Variants in KCNIP1 observed in about 807,000 individuals in gnomAD.
The protein encoded by KCNIP1 is A-type potassium channel modulatory protein KCNIP1.
A neutral mutation model predicts 33.0 loss-of-function variants in KCNIP1; 18 were observed. The observed-to-expected ratio is 0.55, with a 90% CI of 0.38 to 0.81. The LOEUF (loss-of-function observed/expected upper bound fraction) is 0.81. Among genes scored for constraint, KCNIP1 ranks in the 30% least tolerant of loss-of-function variants. The pLI is 0.00. For missense variants in KCNIP1, 238 were observed against 271.6 expected (o/e 0.88, Z 0.87); for synonymous variants, 93 against 98.3 (o/e 0.95, Z 0.32).
At chr5:170,599,133 C>CA (rs1758590266) in intron 1 of KCNIP1, among the ~76,000 whole-genome samples, 1 of 152,084 alleles carries the variant, frequency 6.6e-6, no homozygotes, top group Non-Finnish European at 1.5e-5. Context: ...AGAACTGACT[C>CA]ACTCCTCCTT....
intron 1 of KCNIP1, chr5:170,378,996 C>G: frequency 6.2e-7 from 1 of 1,607,898 alleles, no homozygotes; most frequent in South Asian, 1.1e-5. Context: ...ACAAGAGCAG[C>G]TGTGGGCTTG....
chr5:170,552,076 C>T (rs1756668394), intron 1 of KCNIP1, among the ~76,000 whole-genome samples: 1 of 151,896 alleles, frequency 6.6e-6, no homozygotes, highest in Admixed American at 6.6e-5. Flanking sequence ...GAGGGAGGAC[C>T]AGTCCCCTAC....
intron 1 of KCNIP1, among the ~76,000 whole-genome samples, chr5:170,700,195 C>T (rs910307988): frequency 3.9e-5 from 6 of 152,098 alleles, no homozygotes; most frequent in Admixed American, 3.9e-4. Context: ...CGCTCTCCCT[C>T]ACTCATCACC....
chr5:170,654,359 G>T (rs1471701228), intron 1 of KCNIP1, among the ~76,000 whole-genome samples: 1 of 152,164 alleles, frequency 6.6e-6, no homozygotes, highest in African/African-American at 2.4e-5. Context: ...CCCCGAAGGA[G>T]CTCACATTCT....
intron 1 of KCNIP1, among the ~76,000 whole-genome samples, chr5:170,507,027 C>T (rs779548435): frequency 3.3e-5 from 5 of 152,220 alleles, no homozygotes; most frequent in Non-Finnish European, 5.9e-5. Context: ...ACTGGGGCCT[C>T]GGTTTCTTCT....
chr5:170,719,937 G>A (rs976010735), intron 2 of KCNIP1, among the ~76,000 whole-genome samples: 9 of 152,110 alleles, frequency 5.9e-5, no homozygotes, highest in African/African-American at 2.2e-4. Context: ...ATCTACCATG[G>A]ACTCAATACC....
chr5:170,695,029 C>G (rs770108699), intron 1 of KCNIP1, among the ~76,000 whole-genome samples: 1 of 152,210 alleles, frequency 6.6e-6, no homozygotes, highest in Admixed American at 6.5e-5. Context: ...CTCATCATCA[C>G]TGGGGCCAGG....
At chr5:170,562,534 T>A (rs1420044115) in intron 1 of KCNIP1, among the ~76,000 whole-genome samples, 1 of 152,198 alleles carries the variant, frequency 6.6e-6, no homozygotes, top group African/African-American at 2.4e-5. Flanking sequence ...TGGCCTCTCC[T>A]CCCTTGTCCA....
Position 170,504,078 on chromosome 5 carries a change from C to T in KCNIP1, c.-495C>T, listed in dbSNP as rs1328581916. 2.0e-6 allele frequency: 2 copies of T among 985,486 alleles called. No individual in the cohort carries two copies. Among genetic ancestry groups the T allele is most frequent in the African/African-American group, 1.8e-5 (1 of 57,138 alleles). The allele number at this position is 985,486 out of a possible 1,614,324, so 61.0% of individuals were successfully genotyped here. On this transcript the variant is annotated 5_prime_UTR_variant, in exon 1 of 8. Transcript: ENST00000328939. The surrounding 1 kb of genome is among the most constrained non-coding windows in gnomAD (Gnocchi z 6.0). ...GGCAGCAGGCGGGCGCGCTGTGGCTCCGCGCCGCGCGGTCCGGGCTCTGTT... is the reference window on the plus strand; with the variant it reads ...GGCAGCAGGCGGGCGCGCTGTGGCTTCGCGCCGCGCGGTCCGGGCTCTGTT...
intron 1 of KCNIP1, among the ~76,000 whole-genome samples, chr5:170,696,785 C>CT (rs1381428587): frequency 6.6e-6 from 1 of 152,000 alleles, no homozygotes; most frequent in Non-Finnish European, 1.5e-5. Context: ...AGGAGGGTGA[C>CT]TTTGTATAGG....
intron 1 of KCNIP1, among the ~76,000 whole-genome samples, chr5:170,380,790 G>A (rs1170558295): frequency 6.6e-6 from 1 of 152,180 alleles, no homozygotes; most frequent in Non-Finnish European, 1.5e-5. Flanking sequence ...AAATAGCAGT[G>A]TGGCTATGGA....
intron 1 of KCNIP1, among the ~76,000 whole-genome samples, chr5:170,525,964 A>G (rs954204180): frequency 7.2e-5 from 11 of 152,324 alleles, no homozygotes; most frequent in African/African-American, 1.7e-4. Flanking sequence ...GCCAGCACCA[A>G]CCAGGCTGCT....
chr5:170,372,803 C>G (rs1219204174), intron 1 of KCNIP1, among the ~76,000 whole-genome samples: 1 of 152,168 alleles, frequency 6.6e-6, no homozygotes, highest in Non-Finnish European at 1.5e-5. Flanking sequence ...GAGGAGGACT[C>G]AGTGCAGCAA....
chr5:170,702,066 T>C (rs557328842), intron 1 of KCNIP1, among the ~76,000 whole-genome samples: 4 of 152,220 alleles, frequency 2.6e-5, no homozygotes, highest in Non-Finnish European at 5.9e-5. Flanking sequence ...AAATAAAAAT[T>C]AAAAATAAAA....
chr5:170,455,576 G>C (rs892134785), intron 1 of KCNIP1, among the ~76,000 whole-genome samples: 1 of 152,150 alleles, frequency 6.6e-6, no homozygotes, highest in Non-Finnish European at 1.5e-5. Flanking sequence ...AACAAGCTTC[G>C]ATAATTTAAA....
intron 1 of KCNIP1, among the ~76,000 whole-genome samples, chr5:170,661,690 C>A (rs1222220152): frequency 6.6e-6 from 1 of 152,184 alleles, no homozygotes; most frequent in Non-Finnish European, 1.5e-5. Flanking sequence ...CCATATTATA[C>A]CCTTTTCATC....
At chr5:170,694,949 G>C (rs1762842298) in intron 1 of KCNIP1, among the ~76,000 whole-genome samples, 1 of 152,208 alleles carries the variant, frequency 6.6e-6, no homozygotes, top group South Asian at 2.1e-4. Context: ...CCAAGGACTT[G>C]TCATAGCTTT....
chr5:170,728,780 G>T (rs146578874), intron 5 of KCNIP1, among the ~76,000 whole-genome samples: 58 of 152,136 alleles, frequency 3.8e-4, no homozygotes, highest in African/African-American at 1.3e-3. Flanking sequence ...TGTTATTTGG[G>T]AAGGAAATTT....
At chr5:170,400,859 A>G (rs979407642) in intron 1 of KCNIP1, among the ~76,000 whole-genome samples, 1 of 152,258 alleles carries the variant, frequency 6.6e-6, no homozygotes, top group South Asian at 2.1e-4. Context: ...TCGATACAAT[A>G]GCCACTAGCT....
Sources: allele counts gnomAD v4.1 joint callset (sites outside exome capture counted in the v4.1 genomes callset), GRCh38; gene constraint gnomAD v4.1.1; non-coding constraint Gnocchi (gnomAD v3.1); transcripts MANE v1.5; gene names NCBI Gene and HGNC (gene_info 2026-07-23, HGNC 2026-07-21).